The following CCDC3 variants were observed in gnomAD, a reference collection of about 807,000 sequenced individuals.
CCDC3 encodes the protein coiled-coil domain-containing protein 3.
In CCDC3, 24 loss-of-function variants were observed where a neutral mutation model predicts 21.4. The observed-to-expected ratio is 1.12, with a 90% CI of 0.81 to 1.58. CCDC3 has a LOEUF of 1.58. Among genes scored for constraint, CCDC3 ranks in the 40% most tolerant of loss-of-function variants. The pLI is 0.00. For missense variants in CCDC3, 425 were observed against 360.9 expected (o/e 1.18, Z -1.44); for synonymous variants, 186 against 166.0 (o/e 1.12, Z -0.93).
intron 4 of CCDC3, among the ~76,000 whole-genome samples, chr10:13,068,114 TG>T (rs1389027287): frequency 6.6e-6 from 1 of 152,180 alleles, no homozygotes; most frequent in East Asian, 1.9e-4. Flanking sequence ...GGAAGAAACC[TG>T]TTTTTCTCAT....
intron 4 of CCDC3, among the ~76,000 whole-genome samples, chr10:13,054,153 TCAAA>T: frequency 1.2e-5 from 1 of 84,360 alleles, no homozygotes; most frequent in African/African-American, 4.9e-5. Flanking sequence ...AGACTCTGTA[TCAAA>T]AAAAAAAAAA....
rs187758465 is a variant in CCDC3, at chr10:13,062,247, C to T, written c.-270+11621G>A. On this transcript the variant is annotated intron_variant, in intron 4 of 6. Transcript: ENST00000378839. ...AGTCTGAATATAAGGAATAATTGTG[C>T]TTCTCCTGAACAATTGGCCTGCTTT... 3.3e-5 allele frequency among the ~76,000 whole-genome samples: 5 copies of T among 152,198 alleles called. No individual in the cohort carries two copies. In the South Asian group the frequency reaches 8.3e-4, roughly 25 times the overall value.
chr10:13,025,078 A>G (rs1442424658), intron 5 of CCDC3, among the ~76,000 whole-genome samples: 1 of 152,148 alleles, frequency 6.6e-6, no homozygotes, highest in African/African-American at 2.4e-5. Flanking sequence ...ATAATTTCTT[A>G]TTACTTCTTC....
intron 1 of CCDC3, 52 bp from the exon 2 acceptor site, chr10:12,998,564 C>T: frequency 1.9e-6 from 3 of 1,548,994 alleles, no homozygotes; most frequent in Non-Finnish European, 2.6e-6. Context: ...AAGGGTGTAC[C>T]AGCTCCAATC....
chr10:12,999,206 C>T (rs1371412893), intron 1 of CCDC3, among the ~76,000 whole-genome samples: 2 of 152,132 alleles, frequency 1.3e-5, no homozygotes, highest in African/African-American at 4.8e-5. Flanking sequence ...CACCATTGCA[C>T]TCCAGCCTGG....
At chr10:12,990,280 AG>A (rs1195101007) in intron 2 of CCDC3, among the ~76,000 whole-genome samples, 2 of 151,660 alleles carry the variant, frequency 1.3e-5, no homozygotes, top group African/African-American at 2.4e-5. Context: ...AAAAAAAAAA[AG>A]AATGTCTTCA....
chr10:13,069,045 C>A (rs374467560), intron 4 of CCDC3, among the ~76,000 whole-genome samples: 1 of 152,174 alleles, frequency 6.6e-6, no homozygotes, highest in Non-Finnish European at 1.5e-5. Flanking sequence ...CACCTGAGGT[C>A]GGGAGTTCGA....
At chr10:13,018,587 A>G in intron 5 of CCDC3, among the ~76,000 whole-genome samples, 1 of 152,172 alleles carries the variant, frequency 6.6e-6, no homozygotes, top group East Asian at 1.9e-4. Flanking sequence ...TCCTGGAGGA[A>G]GAATCTCACA....
At chr10:12,992,641 G>C (rs528991932) in intron 2 of CCDC3, among the ~76,000 whole-genome samples, 2 of 152,040 alleles carry the variant, frequency 1.3e-5, no homozygotes, top group South Asian at 2.1e-4. Flanking sequence ...ATGGACTCTG[G>C]GGACTCGGTG....
intron 3 of CCDC3, among the ~76,000 whole-genome samples, chr10:13,098,090 AGT>A (rs1564347931): frequency 6.6e-6 from 1 of 152,034 alleles, no homozygotes. Context: ...TTGTCGGGGG[AGT>A]GTGTGTGCAT....
chr10:12,934,131 T>TTATATCTTCATTTTCC lies in CCDC3; in HGVS notation c.550-35468_550-35453dup, dbSNP rs1443587670. On this transcript the variant is annotated intron_variant, in intron 2 of 2. Transcript: ENST00000378825. Reference sequence around the variant, plus strand: ...TCACTACATCCCACAAATTGGTAAGTTATATCTTCATTTTCCTTTAACTGA... The same window carrying TTATATCTTCATTTTCC: ...TCACTACATCCCACAAATTGGTAAGTTATATCTTCATTTTCCTATATCTTCATTTTCCTTTAACTGA... 6.6e-5 allele frequency among the ~76,000 whole-genome samples: 10 copies of TTATATCTTCATTTTCC among 152,330 alleles called. No individual in the cohort carries two copies. The South Asian group carries it at 2.1e-3, about 32-fold the overall frequency.
rs554283973 is a variant in CCDC3 at position 12,988,670 on chromosome 10, A to G, written c.549+9668T>C. 1.9e-3 allele frequency among the ~76,000 whole-genome samples: 284 copies of G among 152,124 alleles called. 1 individual carries two copies. Among genetic ancestry groups the G allele is most frequent in the African/African-American group, 6.4e-3 (267 of 41,520 alleles). On this transcript the variant is annotated intron_variant, in intron 2 of 2. Transcript: ENST00000378825. The stretch of plus-strand genomic sequence containing the variant: ...ACCCTCTTTTAATTCTTGGCCAAAC[A>G]CCTATCATTATCTGTTATTTTTCCT...
intron 2 of CCDC3, among the ~76,000 whole-genome samples, chr10:12,957,807 T>G (rs1835115928): frequency 1.3e-5 from 2 of 152,210 alleles, no homozygotes; most frequent in African/African-American, 4.8e-5. Context: ...CTCAATAGTT[T>G]GTTGAACCGT....
At chr10:12,955,173 G>A (rs1441283127) in intron 2 of CCDC3, among the ~76,000 whole-genome samples, 1 of 152,216 alleles carries the variant, frequency 6.6e-6, no homozygotes, top group Non-Finnish European at 1.5e-5. Flanking sequence ...ACCCAGTGAA[G>A]TGATGAATCA....
chr10:12,997,131 G>A (rs1241594401), intron 2 of CCDC3, among the ~76,000 whole-genome samples: 1 of 151,940 alleles, frequency 6.6e-6, no homozygotes, highest in South Asian at 2.1e-4. Flanking sequence ...GAAGAACAAG[G>A]CAGCTACCCT....
intron 3 of CCDC3, among the ~76,000 whole-genome samples, chr10:13,080,105 G>A (rs368045462): frequency 6.6e-6 from 1 of 152,204 alleles, no homozygotes; most frequent in African/African-American, 2.4e-5. Flanking sequence ...CCTCTGGGCC[G>A]ATGGCAGCCC....
At chr10:12,987,526 C>T (rs1835614836) in intron 2 of CCDC3, among the ~76,000 whole-genome samples, 1 of 152,106 alleles carries the variant, frequency 6.6e-6, no homozygotes, top group African/African-American at 2.4e-5. Context: ...AAGCAACTAA[C>T]CTCAGAATGG....
chr10:12,995,388 C>T (rs1459312849), intron 2 of CCDC3, among the ~76,000 whole-genome samples: 1 of 152,158 alleles, frequency 6.6e-6, no homozygotes, highest in East Asian at 1.9e-4. Context: ...ATTACAGGCG[C>T]GTACCACCAT....
chr10:13,026,209 A>C (rs1836213594), intron 5 of CCDC3, among the ~76,000 whole-genome samples: 1 of 152,148 alleles, frequency 6.6e-6, no homozygotes, highest in African/African-American at 2.4e-5. Context: ...TAATTTAAAA[A>C]ATAAAAAACT....
Sources: allele counts gnomAD v4.1 joint callset (sites outside exome capture counted in the v4.1 genomes callset), GRCh38; gene constraint gnomAD v4.1.1; transcripts MANE v1.5; gene names NCBI Gene and HGNC (gene_info 2026-07-23, HGNC 2026-07-21).